The following ETFDH variants were observed in gnomAD, a reference collection of about 807,000 sequenced individuals.
ETFDH encodes electron transfer flavoprotein-ubiquinone oxidoreductase, mitochondrial.
Under a neutral mutation model 73.2 loss-of-function variants are expected in ETFDH, and 61 were observed. The observed-to-expected ratio is 0.83, with a 90% confidence interval of 0.68 to 1.03. ETFDH has a LOEUF of 1.03. ETFDH is among the 50% of genes least tolerant of loss of function. The pLI, the probability that ETFDH is intolerant of heterozygous loss-of-function variation, is 0.00. For missense variants in ETFDH, 685 were observed against 745.0 expected, an observed-to-expected ratio of 0.92 and a Z score of 0.94; for synonymous variants, 243 against 253.3, an observed-to-expected ratio of 0.96 and a Z score of 0.39.
chr4:158,708,461 T>G lies in ETFDH; in HGVS notation c.1788T>G (p.Asp596Glu), dbSNP rs777830437. ...ATTGTAAAACATGTGATATTAAAGA[T>G]CCAAGTCAGAATATTAACTGGGTGG... is the stretch of plus-strand genomic sequence containing the variant. ...CVHCKTCDIK[D>E]PSQNINWVVP... Residue 596 changes from aspartate to glutamate, a missense_variant, in exon 13 of 13, where the codon GAT becomes GAG. Physicochemically the swap from Asp to Glu is conservative, Grantham distance 45. Coordinates refer to ENST00000511912, the MANE Select transcript of ETFDH (RefSeq NM_004453.4). 3 of 1,612,900 alleles carry G rather than the reference T, an allele frequency of 1.9e-6. No individual in the cohort carries two copies. The South Asian group carries it at 3.3e-5, about 18-fold the overall frequency.
In ETFDH at chr4:158,672,414, G is replaced by A; in HGVS notation, c.-43G>A. ...CAGCGCCCGCCGCGAGCAGCGGACAGTCCTCCTGTTGTGTCCGACCGAGAG... is the reference window on the plus strand; with the variant it reads ...CAGCGCCCGCCGCGAGCAGCGGACAATCCTCCTGTTGTGTCCGACCGAGAG... On this transcript the variant is annotated 5_prime_UTR_variant, in exon 1 of 13. Transcript: ENST00000511912. 6.8e-6 allele frequency: 11 copies of A among 1,611,848 alleles called. No individual in the cohort carries two copies. Among genetic ancestry groups the A allele is most frequent in the Non-Finnish European group, 9.3e-6 (11 of 1,177,956 alleles).
intron 1 of ETFDH, among the ~76,000 whole-genome samples, chr4:158,679,121 A>G (rs1022205892): frequency 1.3e-5 from 2 of 152,202 alleles, no homozygotes; most frequent in Non-Finnish European, 2.9e-5. Flanking sequence ...TATCTTTATT[A>G]TATACCATAT....
At chr4:158,703,243 T>C (rs772358141) in intron 9 of ETFDH, among the ~76,000 whole-genome samples, 180 bp from the exon 10 acceptor site, 1 of 152,214 alleles carries the variant, frequency 6.6e-6, no homozygotes, top group Non-Finnish European at 1.5e-5. Flanking sequence ...TCCTCACTCT[T>C]AGGGCAGGAA....
intron 1 of ETFDH, among the ~76,000 whole-genome samples, chr4:158,675,016 G>A (rs1198723887): frequency 2.0e-5 from 3 of 151,776 alleles, no homozygotes; most frequent in African/African-American, 7.3e-5. Flanking sequence ...TTTTGTGTGT[G>A]GCTGTAAATG....
intron 6 of ETFDH, among the ~76,000 whole-genome samples, 177 bp downstream of exon 6, chr4:158,690,602 C>G (rs547756841): frequency 3.3e-5 from 5 of 152,070 alleles, no homozygotes; most frequent in African/African-American, 1.2e-4. Flanking sequence ...TCACTTGAGC[C>G]CAGGAGTTCG....
intron 1 of ETFDH, among the ~76,000 whole-genome samples, chr4:158,677,775 A>G (rs1485873130): frequency 6.6e-6 from 1 of 152,174 alleles, no homozygotes; most frequent in Non-Finnish European, 1.5e-5. Flanking sequence ...AGAGGGTATA[A>G]TGAGGCATGT....
intron 6 of ETFDH, among the ~76,000 whole-genome samples, chr4:158,694,958 C>T (rs1774271531): frequency 6.6e-6 from 1 of 152,100 alleles, no homozygotes; most frequent in Non-Finnish European, 1.5e-5. Flanking sequence ...CAAAGTTAGC[C>T]CTGCAGAACT....
intron 2 of ETFDH, 187 bp from the exon 3 acceptor site, chr4:158,682,008 T>C (rs531922245): frequency 2.8e-4 from 197 of 700,256 alleles, no homozygotes; most frequent in Non-Finnish European, 4.4e-4. Flanking sequence ...ATAAAGTATG[T>C]ACTGGAACAG....
intron 5 of ETFDH, among the ~76,000 whole-genome samples, chr4:158,689,595 C>CAT (rs573706904): frequency 1.0e-3 from 34 of 32,756 alleles, no homozygotes; most frequent in African/African-American, 2.1e-3. Context: ...ATAAAACCTT[C>CAT]ATATATATAT....
chr4:158,705,204 T>C (rs1266123670), intron 10 of ETFDH, among the ~76,000 whole-genome samples: 1 of 152,084 alleles, frequency 6.6e-6, no homozygotes, highest in African/African-American at 2.4e-5. Flanking sequence ...GGTGGGTTTG[T>C]TTTTGTTTTT....
intron 5 of ETFDH, among the ~76,000 whole-genome samples, chr4:158,688,415 G>A (rs1774067082): frequency 7.0e-6 from 1 of 142,618 alleles, no homozygotes; most frequent in African/African-American, 2.6e-5. Context: ...AAAGGGCACA[G>A]TGGCTCACAC....
intron 5 of ETFDH, among the ~76,000 whole-genome samples, chr4:158,688,118 G>T (rs1413585661): frequency 6.6e-6 from 1 of 151,924 alleles, no homozygotes; most frequent in Non-Finnish European, 1.5e-5. Flanking sequence ...AACAGGCCAG[G>T]TGCAGTGACT....
chr4:158,706,064 G>C, intron 10 of ETFDH, 125 bp from the exon 11 acceptor site: 1 of 720,208 alleles, frequency 1.4e-6, no homozygotes, highest in Non-Finnish European at 2.5e-6. Context: ...CTGGGTGACA[G>C]AGCAAGACCT....
intron 1 of ETFDH, among the ~76,000 whole-genome samples, chr4:158,673,413 TTTG>T (rs1773631269): frequency 6.6e-6 from 1 of 152,222 alleles, no homozygotes; most frequent in Non-Finnish European, 1.5e-5. Context: ...TACTTAAATT[TTTG>T]TTGTTGTCGT....
At chr4:158,692,896 T>A (rs919969033) in intron 6 of ETFDH, among the ~76,000 whole-genome samples, 13 of 146,498 alleles carry the variant, frequency 8.9e-5, no homozygotes, top group African/African-American at 3.2e-4. Flanking sequence ...AAAACATATA[T>A]ATATATATAT....
intron 12 of ETFDH, 113 bp downstream of exon 12, chr4:158,706,963 G>T (rs1362386748): frequency 5.5e-6 from 4 of 721,346 alleles, no homozygotes; most frequent in East Asian, 5.4e-5. Flanking sequence ...AATTGTAAAT[G>T]ACTTCATCCA....
intron 2 of ETFDH, among the ~76,000 whole-genome samples, chr4:158,681,142 G>A (rs1474780627): frequency 6.6e-6 from 1 of 152,220 alleles, no homozygotes; most frequent in Non-Finnish European, 1.5e-5. Flanking sequence ...GGAGATGACA[G>A]CTCCATGCGT....
At chr4:158,699,563 C>G (rs1029196482) in intron 9 of ETFDH, among the ~76,000 whole-genome samples, 3 of 152,084 alleles carry the variant, frequency 2.0e-5, no homozygotes, top group African/African-American at 7.2e-5. Flanking sequence ...GAATAAGACT[C>G]CATCTCAAAA....
rs1044371886 is a variant in ETFDH at position 158,677,223 on chromosome 4, C to G, written c.35-3244C>G. On this transcript the variant is annotated intron_variant, in intron 1 of 12. Coordinates refer to ENST00000511912, the MANE Select transcript of ETFDH (RefSeq NM_004453.4). ...GTGAGGACCATGACCCACGATACAGCCTCAGGAGGTCCTGAGAACATGTAT... is the reference window on the plus strand; with the variant it reads ...GTGAGGACCATGACCCACGATACAGGCTCAGGAGGTCCTGAGAACATGTAT... 3.9e-5 allele frequency among the ~76,000 whole-genome samples: 6 copies of G among 152,326 alleles called. No individual in the cohort carries two copies. The Middle Eastern group carries it at 0.01, about 259-fold the overall frequency.
Sources: allele counts gnomAD v4.1 joint callset (sites outside exome capture counted in the v4.1 genomes callset), GRCh38; gene constraint gnomAD v4.1.1; transcripts MANE v1.5; gene names NCBI Gene and HGNC (gene_info 2026-07-23, HGNC 2026-07-21).